The following PPP4R4 variants were observed in gnomAD, a reference collection of about 807,000 sequenced individuals.
PPP4R4 encodes the protein serine/threonine-protein phosphatase 4 regulatory subunit 4.
In PPP4R4, 70 loss-of-function variants were observed where a neutral mutation model predicts 121.8. That is an observed-to-expected ratio of 0.57 (90% CI 0.47 to 0.70). PPP4R4 has a LOEUF of 0.70. Among genes scored for constraint, PPP4R4 ranks in the 30% least tolerant of loss-of-function variants. PPP4R4 has a pLI of 0.00. For synonymous variants in PPP4R4, 348 were observed against 355.7 expected (o/e 0.98, Z 0.24); for missense variants, 875 against 1,033.6 (o/e 0.85, Z 2.10).
chr14:94,224,981 C>T (rs983415379), intron 3 of PPP4R4, among the ~76,000 whole-genome samples: 34 of 152,062 alleles, frequency 2.2e-4, no homozygotes, highest in Non-Finnish European at 3.5e-4. Flanking sequence ...TTACTTCTAA[C>T]GTATTGTTAG....
At chr14:94,252,309 G>A (rs1474516537) in intron 16 of PPP4R4, among the ~76,000 whole-genome samples, 2 of 152,104 alleles carry the variant, frequency 1.3e-5, no homozygotes, top group African/African-American at 4.8e-5. Context: ...CAAAGAAGTA[G>A]AACTGCTTCA....
chr14:94,208,401 T>C (rs1890573278), intron 2 of PPP4R4, 63 bp from the exon 3 acceptor site: 2 of 1,265,342 alleles, frequency 1.6e-6, no homozygotes, highest in Non-Finnish European at 1.1e-6. Flanking sequence ...CCATACTTTT[T>C]ATAACTGTGC....
rs142072091 is a variant in PPP4R4 at position 94,231,624 on chromosome 14, C to T, written c.516+309C>T. ...TTATATATGGTTGTTTTTCACTTAGCATTACTTTCCTATATTTTTTAAACT... is the reference window on the plus strand; with the variant it reads ...TTATATATGGTTGTTTTTCACTTAGTATTACTTTCCTATATTTTTTAAACT... On this transcript the variant is annotated intron_variant, in intron 5 of 24. Transcript: ENST00000304338. Among the ~76,000 whole-genome samples the T allele has an allele frequency of 1.8e-3, 274 of 152,156 alleles. 1 individual carries two copies. The highest frequency in any genetic ancestry group is 6.1e-3 in the African/African-American group (255 of 41,534).
chr14:94,252,253 A>G (rs2139601635), intron 16 of PPP4R4, among the ~76,000 whole-genome samples: 1 of 152,306 alleles, frequency 6.6e-6, no homozygotes, highest in South Asian at 2.1e-4. Flanking sequence ...TTATCACTTC[A>G]AAGTTGTTTG....
Position 94,265,401 on chromosome 14 carries a change from A to G in PPP4R4, c.2212A>G (p.Thr738Ala). Residue 738 changes from threonine to alanine, a missense_variant, in exon 21 of 25, where the codon ACA (threonine) becomes GCA (alanine). Thr to Ala is a moderately conservative substitution (Grantham distance 58). Transcript: ENST00000304338. ...ATTTATTTTAGGTAGAGACACTAAGACACCAACGCAAAGTCTGCCCAAGAA... is the reference window on the plus strand; with the variant it reads ...ATTTATTTTAGGTAGAGACACTAAGGCACCAACGCAAAGTCTGCCCAAGAA... Reference protein sequence around the residue: ...MFEKKRRDTKTPTQSLPKNIP... With the variant: ...MFEKKRRDTKAPTQSLPKNIP... 1 of 1,611,438 alleles carries G rather than the reference A, an allele frequency of 6.2e-7. No homozygotes were observed. The highest frequency in any genetic ancestry group is 2.2e-5 in the East Asian group (1 of 44,862).
At chr14:94,226,158 C>G (rs1891685635) in intron 3 of PPP4R4, among the ~76,000 whole-genome samples, 1 of 152,118 alleles carries the variant, frequency 6.6e-6, no homozygotes, top group Admixed American at 6.6e-5. Context: ...TAGCAGAGTA[C>G]TGCAGCTGGA....
chr14:94,174,715 C>G, intron 1 of PPP4R4, 133 bp downstream of exon 1: 1 of 1,423,466 alleles, frequency 7.0e-7, no homozygotes, highest in Non-Finnish European at 9.3e-7. Flanking sequence ...CGGGCCGGCC[C>G]CTCCTCCTCC....
Position 94,259,155 on chromosome 14 carries a change from G to A in PPP4R4, c.2053-140G>A, listed in dbSNP as rs969696806. 2.2e-6 allele frequency: 3 copies of A among 1,394,050 alleles called. No homozygotes were observed. In the East Asian group the frequency reaches 7.6e-5, roughly 35 times the overall value. The allele number at this position is 1,394,050 out of a possible 1,614,324, so 86.4% of individuals were successfully genotyped here. On this transcript the variant is annotated intron_variant, in intron 18 of 24. Coordinates refer to ENST00000304338, the MANE Select transcript of PPP4R4 (RefSeq NM_058237.2). ...TCCCACCCGGTCCCTCCCACAACAT[G>A]TGGGAATTAGGGGAGCTACAAGATG...
intron 4 of PPP4R4, among the ~76,000 whole-genome samples, 178 bp downstream of exon 4, chr14:94,230,912 TA>T (rs1891997023): frequency 6.6e-6 from 1 of 152,198 alleles, no homozygotes; most frequent in Non-Finnish European, 1.5e-5. Flanking sequence ...CCACAAAATT[TA>T]ATATCCTTGA....
chr14:94,208,538 C>T lies in PPP4R4; in HGVS notation c.266C>T (p.Thr89Met), dbSNP rs745732168. The change falls in exon 3 of 25, where the codon ACG (threonine) becomes ATG (methionine). Residue 89 changes from threonine (T) to methionine (M), a missense_variant. Coordinates refer to ENST00000304338, the MANE Select transcript of PPP4R4 (RefSeq NM_058237.2). Reference protein sequence around the residue: ...PFLMRQNPTETLRRVLPKVRE... With the variant: ...PFLMRQNPTEMLRRVLPKVRE... ...TTGATGCGACAGAATCCCACTGAGA[C>T]GCTTCGGAGAGTGTTGCCAAAAGTC... The T allele has an allele frequency of 6.8e-5, 110 of 1,610,654 alleles. 1 individual carries two copies. Among genetic ancestry groups the T allele is most frequent in the South Asian group, 1.9e-4 (17 of 90,868 alleles).
chr14:94,272,830 G>A (rs747167444), intron 23 of PPP4R4, among the ~76,000 whole-genome samples: 1 of 152,130 alleles, frequency 6.6e-6, no homozygotes, highest in Non-Finnish European at 1.5e-5. Flanking sequence ...ATTAAAAAAT[G>A]GGCAAAGACT....
At position 94,174,413 on chromosome 14, in the gene PPP4R4, G is replaced by C; in HGVS notation, c.-53G>C. 1.4e-6 allele frequency: 2 copies of C among 1,419,906 alleles called. No individual in the cohort carries two copies. The highest frequency in any genetic ancestry group is 1.8e-6 in the Non-Finnish European group (2 of 1,085,190). 88.0% of individuals were successfully genotyped at this position (1,419,906 alleles called of 1,614,324 possible). A position where few individuals can be genotyped will look rare whatever the true frequency, so the allele number is the denominator to read the frequency against. On this transcript the variant is annotated 5_prime_UTR_variant, in exon 1 of 25. Transcript: ENST00000304338. ...GGTGGGCGGCCGCGGGGCTGAGGGC[G>C]TCCGGCATCCCGGGGCCGCTCCGGC... is the stretch of plus-strand genomic sequence containing the variant.
intron 16 of PPP4R4, among the ~76,000 whole-genome samples, chr14:94,254,164 A>G (rs1893338990): frequency 6.6e-6 from 1 of 152,214 alleles, no homozygotes; most frequent in Non-Finnish European, 1.5e-5. Context: ...TCATGGGCCC[A>G]GGAGTCTCAT....
chr14:94,219,109 T>C (rs1442327435), intron 3 of PPP4R4, among the ~76,000 whole-genome samples: 1 of 150,212 alleles, frequency 6.7e-6, no homozygotes, highest in Non-Finnish European at 1.5e-5. Context: ...GATGGAGTTT[T>C]GCTCTTGTTG....
intron 3 of PPP4R4, among the ~76,000 whole-genome samples, chr14:94,221,562 G>A (rs2139497167): frequency 6.6e-6 from 1 of 152,078 alleles, no homozygotes; most frequent in East Asian, 1.9e-4. Context: ...AAAGAACATT[G>A]GCAGATGGCC....
intron 14 of PPP4R4, among the ~76,000 whole-genome samples, chr14:94,247,762 G>A (rs1213551734): frequency 6.6e-6 from 1 of 152,122 alleles, no homozygotes; most frequent in African/African-American, 2.4e-5. Context: ...TTCAACATAA[G>A]CAAATCAATA....
At position 94,208,459 on chromosome 14, in the gene PPP4R4, G is replaced by A. The variant is rs748323276; in HGVS notation, c.192-5G>A. 1.9e-6 allele frequency: 3 copies of A among 1,595,116 alleles called. No homozygotes were observed. In the South Asian group the frequency reaches 3.3e-5, roughly 18 times the overall value. On this transcript the variant is annotated splice_region_variant and splice_polypyrimidine_tract_variant and intron_variant, in intron 2 of 24. Coordinates refer to ENST00000304338, the MANE Select transcript of PPP4R4 (RefSeq NM_058237.2). ...TAAATTTTAAATTTGTGTTTTCTTTGTAAGTGCTGGTCAAGATGTCCAAGG... is the reference window on the plus strand; with the variant it reads ...TAAATTTTAAATTTGTGTTTTCTTTATAAGTGCTGGTCAAGATGTCCAAGG...
chr14:94,201,657 C>G (rs187589551), intron 2 of PPP4R4, among the ~76,000 whole-genome samples: 1 of 152,030 alleles, frequency 6.6e-6, no homozygotes, highest in East Asian at 1.9e-4. Context: ...TTTTGGTGAC[C>G]GTTTGCATGG....
At chr14:94,236,266 G>A (rs1234328786) in intron 7 of PPP4R4, among the ~76,000 whole-genome samples, 5 of 152,244 alleles carry the variant, frequency 3.3e-5, no homozygotes, top group Admixed American at 3.3e-4. Context: ...AGAGAACTCT[G>A]TTTAAAGATT....
Sources: gnomAD v4.1 joint callset for allele counts (sites outside exome capture counted in the v4.1 genomes callset) on GRCh38, gnomAD v4.1.1 for gene constraint, MANE v1.5 for transcripts, NCBI Gene and HGNC (gene_info 2026-07-23, HGNC 2026-07-21) for gene names.